The following SNX27 variants were observed in gnomAD, a reference collection of about 807,000 sequenced individuals.
The protein encoded by SNX27 is sorting nexin 27.
A neutral mutation model predicts 71.6 loss-of-function variants in SNX27; 22 were observed. The observed-to-expected ratio is 0.31, with a 90% CI of 0.22 to 0.44. The LOEUF (loss-of-function observed/expected upper bound fraction) is 0.44, where lower values mean the gene tolerates loss of function less well. SNX27 is among the 20% of genes least tolerant of loss of function. SNX27 has a pLI of 1.00. For missense variants in SNX27, 531 were observed against 698.6 expected (o/e 0.76, Z 2.70); for synonymous variants, 269 against 277.2 (o/e 0.97, Z 0.29).
chr1:151,693,690 C>T, intron 11 of SNX27: 2 of 1,611,768 alleles, frequency 1.2e-6, no homozygotes, highest in Non-Finnish European at 1.7e-6. Context: ...AAAAGCCCTG[C>T]TTCTTCCCTT....
intron 4 of SNX27, 163 bp downstream of exon 4, chr1:151,661,025 C>G (rs1390322503): frequency 1.8e-6 from 1 of 549,044 alleles, no homozygotes; most frequent in East Asian, 2.9e-5. Context: ...CCTTTAAGAC[C>G]TAGGTCCACT....
intron 6 of SNX27, 92 bp from the exon 7 acceptor site, chr1:151,668,380 C>T: frequency 8.5e-7 from 1 of 1,175,858 alleles, no homozygotes; most frequent in Non-Finnish European, 1.2e-6. Context: ...TTAATGATAA[C>T]ATACCATTCT....
At chr1:151,668,721 A>G (rs1670325488) in intron 7 of SNX27, 86 bp downstream of exon 7, 1 of 1,251,328 alleles carries the variant, frequency 8.0e-7, no homozygotes, top group Non-Finnish European at 1.1e-6. Context: ...GTAAATCCTT[A>G]GACAGGCTGC....
intron 1 of SNX27, among the ~76,000 whole-genome samples, chr1:151,634,994 C>A (rs73000059): frequency 1.3e-5 from 2 of 152,158 alleles, no homozygotes; most frequent in Non-Finnish European, 2.9e-5. Flanking sequence ...TTCACTGATC[C>A]AGTGGTCTTG....
rs1207492542 is a variant in SNX27 at position 151,694,959 on chromosome 1, TA to T, written c.*547del. 6.6e-6 allele frequency: 1 copy of T among 152,518 alleles called. No individual in the cohort carries two copies. The highest frequency in any genetic ancestry group is 6.6e-5 in the Admixed American group (1 of 15,266). 9.4% of individuals were successfully genotyped at this position (152,518 alleles called of 1,614,324 possible). A position where few individuals can be genotyped will look rare whatever the true frequency, so the allele number is the denominator to read the frequency against. On this transcript the variant is annotated 3_prime_UTR_variant, in exon 12 of 12. Transcript: ENST00000458013. The stretch of plus-strand genomic sequence containing the variant: ...GCTCTCTTTCTTTTGAAACAAACTT[TA>T]AAAAGGAAAAAAAAGCATTTTACAG...
Position 151,694,649 on chromosome 1 carries a change from G to A in SNX27, c.*232G>A, listed in dbSNP as rs1671619808. ...CCAGAAGTCAACTGAGTTAAGGCAG[G>A]AAAAGAAATAAGCCCAACCAACTTG... On this transcript the variant is annotated 3_prime_UTR_variant, in exon 12 of 12. Coordinates refer to ENST00000458013, the MANE Select transcript of SNX27 (RefSeq NM_001330723.2). The A allele has an allele frequency of 2.2e-6, 1 of 450,642 alleles. No individual in the cohort carries two copies. Among genetic ancestry groups the A allele is most frequent in the Non-Finnish European group, 3.9e-6 (1 of 258,626 alleles). The allele number at this position is 450,642 out of a possible 1,614,324, so 27.9% of individuals were successfully genotyped here.
At chr1:151,668,394 TCTGC>T in intron 6 of SNX27, 74 bp from the exon 7 acceptor site, 1 of 1,304,304 alleles carries the variant, frequency 7.7e-7, no homozygotes, top group South Asian at 1.6e-5. Flanking sequence ...CCATTCTTGA[TCTGC>T]CTTACATAGT....
intron 5 of SNX27, 54 bp downstream of exon 5, chr1:151,662,324 A>C: frequency 8.1e-7 from 1 of 1,238,268 alleles, no homozygotes; most frequent in Non-Finnish European, 1.2e-6. Context: ...GCTAAGGAAG[A>C]TAGATTAAAT....
intron 1 of SNX27, among the ~76,000 whole-genome samples, chr1:151,636,447 C>T (rs368867945): frequency 2.5e-4 from 38 of 152,142 alleles, no homozygotes; most frequent in East Asian, 5.8e-4. Context: ...ACTATAGGCA[C>T]GTGCCACCAG....
At chr1:151,657,565 C>G (rs1669753988) in intron 2 of SNX27, among the ~76,000 whole-genome samples, 1 of 152,132 alleles carries the variant, frequency 6.6e-6, no homozygotes, top group Non-Finnish European at 1.5e-5. Context: ...TATAATCAAC[C>G]CTAGGTTTTC....
At chr1:151,693,570 C>T (rs1401944207) in intron 11 of SNX27, 87 bp downstream of exon 11, 2 of 1,612,352 alleles carry the variant, frequency 1.2e-6, no homozygotes, top group Admixed American at 3.3e-5. Context: ...CTGGGACCCT[C>T]ACCTCCATCT....
chr1:151,660,471 G>A (rs1323635313), intron 3 of SNX27: 1 of 190,626 alleles, frequency 5.2e-6, no homozygotes, highest in African/African-American at 2.3e-5. Flanking sequence ...TTTACCCCAT[G>A]TTCTGTTGTT....
At chr1:151,613,668 C>G (rs1667298074) in intron 1 of SNX27, among the ~76,000 whole-genome samples, 1 of 152,040 alleles carries the variant, frequency 6.6e-6, no homozygotes, top group South Asian at 2.1e-4. Flanking sequence ...CCTCCATGCT[C>G]TTGCGGGATG....
At chr1:151,656,375 C>T (rs1669694004) in intron 2 of SNX27, among the ~76,000 whole-genome samples, 2 of 152,010 alleles carry the variant, frequency 1.3e-5, no homozygotes, top group South Asian at 2.1e-4. Flanking sequence ...AGGCAAAACG[C>T]ATGAGTAGGT....
intron 1 of SNX27, among the ~76,000 whole-genome samples, chr1:151,634,972 GA>G (rs1236565871): frequency 6.6e-6 from 1 of 152,220 alleles, no homozygotes; most frequent in Admixed American, 6.5e-5. Context: ...TGTGTGATAA[GA>G]GAATTGGTGC....
At chr1:151,662,984 C>T (rs1670029378) in intron 5 of SNX27, among the ~76,000 whole-genome samples, 3 of 152,002 alleles carry the variant, frequency 2.0e-5, no homozygotes, top group South Asian at 4.1e-4. Context: ...CAGTATGCAT[C>T]TTCTTACAAA....
intron 8 of SNX27, among the ~76,000 whole-genome samples, chr1:151,685,915 T>C (rs1392385061): frequency 2.0e-5 from 3 of 152,158 alleles, no homozygotes; most frequent in African/African-American, 7.2e-5. Context: ...TGGCAGAATT[T>C]TGGTTAGGAG....
At chr1:151,658,467 T>A in intron 3 of SNX27, 40 bp downstream of exon 3, 1 of 1,580,042 alleles carries the variant, frequency 6.3e-7, no homozygotes, top group South Asian at 1.2e-5. Context: ...TGAGTAGACG[T>A]AGGTTCTAGA....
chr1:151,648,050 TTTG>T (rs1313956472), intron 2 of SNX27, among the ~76,000 whole-genome samples: 1 of 152,090 alleles, frequency 6.6e-6, no homozygotes, highest in East Asian at 1.9e-4. Context: ...TTTTTTGTTT[TTTG>T]TTTTTTGTTT....
Sources: allele counts gnomAD v4.1 joint callset (sites outside exome capture counted in the v4.1 genomes callset), GRCh38; gene constraint gnomAD v4.1.1; transcripts MANE v1.5; gene names NCBI Gene and HGNC (gene_info 2026-07-23, HGNC 2026-07-21).